The following C10orf143 variants were observed in gnomAD, a reference collection of about 807,000 sequenced individuals.
C10orf143 encodes chromosome 10 open reading frame 143.
At chr10:130,103,178 A>G (rs1590036258) in intron 1 of C10orf143, among the ~76,000 whole-genome samples, 2 of 151,996 alleles carry the variant, frequency 1.3e-5, no homozygotes, top group East Asian at 1.9e-4. Context: ...GGGTTTCTCC[A>G]TGTTGGTCAG....
chr10:130,109,954 A>G (rs369135060), intron 1 of C10orf143, among the ~76,000 whole-genome samples: 2 of 152,160 alleles, frequency 1.3e-5, no homozygotes, highest in East Asian at 3.9e-4. Flanking sequence ...ATTTGCAAGC[A>G]GAGGTGGAAG....
intron 3 of C10orf143, among the ~76,000 whole-genome samples, chr10:130,057,279 GT>G (rs1860807292): frequency 6.6e-6 from 1 of 152,084 alleles, no homozygotes; most frequent in African/African-American, 2.4e-5. Context: ...CAGCAGCATT[GT>G]TTCACACTGT....
chr10:130,066,143 G>A (rs1333664783), intron 3 of C10orf143: 1 of 151,738 alleles, frequency 6.6e-6, no homozygotes, highest in African/African-American at 2.4e-5. Context: ...ATAAAACGTG[G>A]GGACAAAGAG....
intron 1 of C10orf143, among the ~76,000 whole-genome samples, chr10:130,083,911 A>C (rs1861247956): frequency 6.6e-6 from 1 of 152,158 alleles, no homozygotes; most frequent in African/African-American, 2.4e-5. Flanking sequence ...AAACCAAGAC[A>C]TAGGGGGAGA....
At chr10:130,075,987 G>GTTTTTTTTTTTTTTTTTTTTTTTTTT (rs11374857) in intron 3 of C10orf143, among the ~76,000 whole-genome samples, 2 of 133,186 alleles carry the variant, frequency 1.5e-5, no homozygotes, top group Non-Finnish European at 1.6e-5. Flanking sequence ...TTGTTTGTTT[G>GTTTTTTTTTTTTTTTTTTTTTTTTTT]TTTGTTTTTT....
chr10:130,094,002 T>G (rs1453201525), intron 1 of C10orf143, among the ~76,000 whole-genome samples: 14 of 128,496 alleles, frequency 1.1e-4, no homozygotes, highest in Non-Finnish European at 2.1e-4. Context: ...AGAGCGAGAC[T>G]CCATCTCACC....
At chr10:130,060,772 G>A (rs559233353), downstream of C10orf143, among the ~76,000 whole-genome samples, 44 of 141,638 alleles carry the variant, frequency 3.1e-4, no homozygotes, top group African/African-American at 1.1e-3. Flanking sequence ...GCAGTGAGCC[G>A]AGATCACGCC....
intron 3 of C10orf143, among the ~76,000 whole-genome samples, chr10:130,068,828 C>T (rs1215462630): frequency 6.6e-6 from 1 of 151,132 alleles, no homozygotes; most frequent in African/African-American, 2.4e-5. Flanking sequence ...AACACAAAAT[C>T]AATTGAGATT....
At chr10:130,078,158 A>C (rs1861150020) in intron 3 of C10orf143, among the ~76,000 whole-genome samples, 1 of 152,246 alleles carries the variant, frequency 6.6e-6, no homozygotes, top group South Asian at 2.1e-4. Context: ...ACTGTTGTTC[A>C]AACAGAATAT....
intron 1 of C10orf143, among the ~76,000 whole-genome samples, chr10:130,084,135 C>A (rs140995407): frequency 3.9e-5 from 6 of 151,946 alleles, no homozygotes; most frequent in African/African-American, 1.4e-4. Context: ...ATGGTAAAAC[C>A]CCATCTCTAC....
At chr10:130,053,261 A>G (rs1860756754) in intron 3 of C10orf143, among the ~76,000 whole-genome samples, 1 of 152,124 alleles carries the variant, frequency 6.6e-6, no homozygotes, top group South Asian at 2.1e-4. Flanking sequence ...GGGTTTCACT[A>G]TGTTGGCCAG....
In C10orf143 at chr10:130,064,324, T is replaced by C. The variant is rs957137651; in HGVS notation, c.*30A>G. 1 of 398,460 alleles carries C rather than the reference T, an allele frequency of 2.5e-6. No individual in the cohort carries two copies. Among genetic ancestry groups the C allele is most frequent in the Admixed American group, 4.4e-5 (1 of 22,708 alleles). The allele number at this position is 398,460 out of a possible 1,614,324, so 24.7% of individuals were successfully genotyped here. On this transcript the variant is annotated 3_prime_UTR_variant, in exon 4 of 4. Coordinates refer to ENST00000637128, the MANE Select transcript of C10orf143 (RefSeq NM_001355042.2). Reference sequence around the variant, plus strand: ...AACATGAAGGGTTCAAAACCAAAACTGGGACCTTCTTTTTTCCAGCTTGCA... The same window carrying C: ...AACATGAAGGGTTCAAAACCAAAACCGGGACCTTCTTTTTTCCAGCTTGCA...
intron 1 of C10orf143, among the ~76,000 whole-genome samples, chr10:130,098,121 G>A (rs1382441814): frequency 2.0e-5 from 3 of 152,014 alleles, no homozygotes; most frequent in South Asian, 2.1e-4. Flanking sequence ...CCAGGAGTTC[G>A]AGACAAGCCT....
At chr10:130,097,478 CAT>C (rs1861481075) in intron 1 of C10orf143, among the ~76,000 whole-genome samples, 1 of 152,146 alleles carries the variant, frequency 6.6e-6, no homozygotes, top group Admixed American at 6.5e-5. Context: ...ATGGATCCCT[CAT>C]ATGTTGGTGG....
chr10:130,078,755 A>C (rs779530393), intron 3 of C10orf143, among the ~76,000 whole-genome samples: 6 of 152,234 alleles, frequency 3.9e-5, no homozygotes, highest in Non-Finnish European at 8.8e-5. Flanking sequence ...CAGTATGTCA[A>C]TTGAGGATCT....
Position 130,065,524 on chromosome 10 carries a change from A to T in C10orf143, c.298-1141T>A, listed in dbSNP as rs1450743068. On this transcript the variant is annotated intron_variant, in intron 3 of 3. Coordinates refer to ENST00000637128, the MANE Select transcript of C10orf143 (RefSeq NM_001355042.2). The surrounding 1 kb of genome is among the most constrained non-coding windows in gnomAD (Gnocchi z 4.2). Reference sequence around the variant, plus strand: ...TTGTGGCGCACATGGCAGGGATGGGAGCAGCTGTCTGGGAGGTCAAGCAAC... The same window carrying T: ...TTGTGGCGCACATGGCAGGGATGGGTGCAGCTGTCTGGGAGGTCAAGCAAC... The T allele has an allele frequency of 6.5e-6, 1 of 153,094 alleles. No individual in the cohort carries two copies. Among genetic ancestry groups the T allele is most frequent in the Admixed American group, 6.6e-5 (1 of 15,264 alleles). 9.5% of individuals were successfully genotyped at this position (153,094 alleles called of 1,614,324 possible).
chr10:130,097,416 G>C (rs949526879), intron 1 of C10orf143, among the ~76,000 whole-genome samples: 1 of 152,098 alleles, frequency 6.6e-6, no homozygotes, highest in Non-Finnish European at 1.5e-5. Context: ...AAACTGCAGT[G>C]AGATACTGCT....
At chr10:130,098,959 G>A (rs1198890891) in intron 1 of C10orf143, among the ~76,000 whole-genome samples, 1 of 151,910 alleles carries the variant, frequency 6.6e-6, no homozygotes, top group African/African-American at 2.4e-5. Context: ...AGTAGTGCAC[G>A]CCTGTAAAAT....
chr10:130,069,619 T>TC (rs924866458), intron 3 of C10orf143, among the ~76,000 whole-genome samples: 6 of 151,932 alleles, frequency 3.9e-5, no homozygotes, highest in Admixed American at 2.0e-4. Flanking sequence ...CTGGAAAATT[T>TC]TTTTTTTAAG....
Sources: gnomAD v4.1 joint callset for allele counts (sites outside exome capture counted in the v4.1 genomes callset) on GRCh38, gnomAD v4.1.1 for gene constraint, Gnocchi (gnomAD v3.1) non-coding constraint, MANE v1.5 for transcripts, NCBI Gene and HGNC (gene_info 2026-07-23, HGNC 2026-07-21) for gene names.